Variants in APBB2 observed in about 807,000 individuals in gnomAD.
APBB2 encodes the protein Fe65-like 1.
A neutral mutation model predicts 82.5 loss-of-function variants in APBB2; 38 were observed. The observed-to-expected ratio is 0.46, with a 90% CI of 0.36 to 0.60. APBB2 has a LOEUF of 0.60. Ranked by LOEUF, APBB2 falls within the 20% of genes least tolerant of loss-of-function variation. The pLI is 0.00. For missense variants in APBB2, 772 were observed against 972.3 expected (o/e 0.79, Z 2.74); for synonymous variants, 341 against 368.2 (o/e 0.93, Z 0.85).
chr4:41,014,243 T>C lies in APBB2; in HGVS notation c.175A>G (p.Lys59Glu), dbSNP rs1339498802. ...LNAEIKHTETKNSTPPKCRKK... is the reference protein window; with the variant it reads ...LNAEIKHTETENSTPPKCRKK... ...CTGCATTTGGGAGGTGTGCTGTTCTTGGTTTCTGTGTGTTTTATTTCAGCG... is the reference window on the plus strand; with the variant it reads ...CTGCATTTGGGAGGTGTGCTGTTCTCGGTTTCTGTGTGTTTTATTTCAGCG... Residue 59 changes from lysine to glutamate, a missense_variant, in exon 6 of 18, where the codon AAG becomes GAG. Transcript: ENST00000508593. 1 of 1,614,116 alleles carries C rather than the reference T, an allele frequency of 6.2e-7. No individual in the cohort carries two copies. Among genetic ancestry groups the C allele is most frequent in the Non-Finnish European group, 8.5e-7 (1 of 1,180,058 alleles).
At chr4:41,158,455 C>T (rs1004554760) in intron 1 of APBB2, among the ~76,000 whole-genome samples, 9 of 152,178 alleles carry the variant, frequency 5.9e-5, no homozygotes, top group Non-Finnish European at 8.8e-5. Flanking sequence ...GCTACAGTGG[C>T]ATCAGGAACA....
intron 12 of APBB2, among the ~76,000 whole-genome samples, chr4:40,831,785 G>A (rs535621789): frequency 1.3e-4 from 20 of 152,244 alleles, no homozygotes; most frequent in African/African-American, 2.4e-4. Flanking sequence ...TCAGAGCGAC[G>A]GCAGCGGCGG....
intron 6 of APBB2, among the ~76,000 whole-genome samples, chr4:40,957,222 T>A (rs1791869331): frequency 6.6e-6 from 1 of 152,228 alleles, no homozygotes; most frequent in African/African-American, 2.4e-5. Context: ...TGGAAAAAAA[T>A]ATTCTGTAAT....
Position 41,033,269 on chromosome 4 carries a change from C to T in APBB2, c.-15G>A. ...ACTTCTGACATGGATCACCAGGCGT[C>T]AGCAATGGTGCAGGAAATAGGTTAT... On this transcript the variant is annotated 5_prime_UTR_variant, in exon 5 of 18. An upstream open reading frame in the 5' UTR loses its in-frame stop. Coordinates refer to ENST00000508593, the MANE Select transcript of APBB2 (RefSeq NM_004307.2). The T allele has an allele frequency of 1.2e-6, 2 of 1,603,622 alleles. No individual in the cohort carries two copies. The highest frequency in any genetic ancestry group is 1.7e-6 in the Non-Finnish European group (2 of 1,173,546).
At chr4:41,150,794 G>T (rs1215581142) in intron 1 of APBB2, among the ~76,000 whole-genome samples, 1 of 152,140 alleles carries the variant, frequency 6.6e-6, no homozygotes, top group Non-Finnish European at 1.5e-5. Context: ...AGGCTGGAGT[G>T]CAATGGCCCG....
At chr4:41,014,557 T>C in intron 5 of APBB2, 159 bp from the exon 6 acceptor site, 1 of 743,588 alleles carries the variant, frequency 1.3e-6, no homozygotes, top group Non-Finnish European at 2.2e-6. Flanking sequence ...TCACCATTTG[T>C]TCCTATATTA....
intron 6 of APBB2, among the ~76,000 whole-genome samples, chr4:40,993,278 T>C (rs1802652228): frequency 6.6e-6 from 1 of 152,086 alleles, no homozygotes; most frequent in Non-Finnish European, 1.5e-5. Flanking sequence ...ATGGCACAAA[T>C]TCCATTTTAG....
intron 16 of APBB2, 200 bp from the exon 17 acceptor site, chr4:40,822,250 T>TG (rs1748253619): frequency 1.7e-6 from 1 of 592,234 alleles, no homozygotes; most frequent in Non-Finnish European, 3.0e-6. Context: ...AGGTCATTCT[T>TG]GCTCTGAACT....
intron 5 of APBB2, among the ~76,000 whole-genome samples, chr4:41,031,889 C>T (rs1004920140): frequency 6.6e-5 from 10 of 152,018 alleles, no homozygotes; most frequent in African/African-American, 1.7e-4. Flanking sequence ...CTATTCAATA[C>T]GTATTGACAA....
chr4:41,183,552 C>G (rs1252761783), intron 1 of APBB2, among the ~76,000 whole-genome samples: 1 of 152,050 alleles, frequency 6.6e-6, no homozygotes, highest in African/African-American at 2.4e-5. Context: ...GAGACACATA[C>G]ATAGGGAGAA....
chr4:41,161,958 G>A (rs1765279539), intron 1 of APBB2, among the ~76,000 whole-genome samples: 1 of 152,076 alleles, frequency 6.6e-6, no homozygotes, highest in African/African-American at 2.4e-5. Flanking sequence ...AACTCATGGG[G>A]AATCTTACCT....
intron 4 of APBB2, among the ~76,000 whole-genome samples, chr4:41,046,431 T>C (rs1256879230): frequency 6.6e-6 from 1 of 152,204 alleles, no homozygotes; most frequent in Non-Finnish European, 1.5e-5. Flanking sequence ...ATCTCAAATA[T>C]ACAACCAAGA....
intron 12 of APBB2, among the ~76,000 whole-genome samples, chr4:40,887,998 C>T (rs1179022368): frequency 6.6e-6 from 1 of 152,200 alleles, no homozygotes; most frequent in African/African-American, 2.4e-5. Context: ...GGAACAGCCG[C>T]TCATCCTCTA....
At chr4:41,194,104 G>C in intron 1 of APBB2, 3 of 151,432 alleles carry the variant, frequency 2.0e-5, no homozygotes, top group Admixed American at 2.0e-4. Flanking sequence ...CAATCTTTGA[G>C]GAGTTTGAAA....
chr4:41,095,120 C>T (rs1743078755), intron 3 of APBB2, among the ~76,000 whole-genome samples: 1 of 152,158 alleles, frequency 6.6e-6, no homozygotes, highest in African/African-American at 2.4e-5. Context: ...ATGACAGTTA[C>T]AGTGGTGGGT....
At chr4:40,949,204 G>C (rs1361866586) in intron 6 of APBB2, among the ~76,000 whole-genome samples, 1 of 151,970 alleles carries the variant, frequency 6.6e-6, no homozygotes, top group Non-Finnish European at 1.5e-5. Flanking sequence ...GGGAGGTGGA[G>C]GTTGCAGTAA....
chr4:41,139,492 C>A (rs1465658888), intron 2 of APBB2, among the ~76,000 whole-genome samples: 5 of 152,044 alleles, frequency 3.3e-5, no homozygotes, highest in African/African-American at 9.7e-5. Flanking sequence ...CAGTATTGTT[C>A]GTAACTGCCA....
At chr4:41,161,669 C>A (rs1254401922) in intron 1 of APBB2, among the ~76,000 whole-genome samples, 13 of 152,132 alleles carry the variant, frequency 8.5e-5, no homozygotes, top group Non-Finnish European at 1.8e-4. Flanking sequence ...GAGGACCCCA[C>A]ACAGCCAACT....
At position 40,856,963 on chromosome 4, in the gene APBB2, C is replaced by A. The variant is rs1056232427; in HGVS notation, c.1530-26386G>T. ...TCCCCGCGAGCGAGCTTGGGCTCGA[C>A]CCCCGTTCCCCCTGAACGCACCTGC... On this transcript the variant is annotated intron_variant, in intron 12 of 17. Coordinates refer to ENST00000508593, the MANE Select transcript of APBB2 (RefSeq NM_004307.2). 5.1e-6 allele frequency: 5 copies of A among 985,400 alleles called. No individual in the cohort carries two copies. The African/African-American group carries it at 8.7e-5, about 17-fold the overall frequency. The allele number at this position is 985,400 out of a possible 1,614,324, so 61.0% of individuals were successfully genotyped here.
Sources: allele counts gnomAD v4.1 joint callset (sites outside exome capture counted in the v4.1 genomes callset), GRCh38; gene constraint gnomAD v4.1.1; transcripts MANE v1.5; gene names NCBI Gene and HGNC (gene_info 2026-07-23, HGNC 2026-07-21).